Variants in NETO1 observed in about 807,000 individuals in gnomAD.
NETO1 encodes neuropilin and tolloid-like protein 1.
A neutral mutation model predicts 61.3 loss-of-function variants in NETO1; 26 were observed. The observed-to-expected ratio is 0.42, with a 90% confidence interval of 0.31 to 0.59. NETO1 has a LOEUF of 0.59. NETO1 is among the 20% of genes least tolerant of loss of function. NETO1 has a pLI of 0.12. For synonymous variants in NETO1, 225 were observed against 225.8 expected (o/e 1.00, Z 0.03); for missense variants, 531 against 662.8 (o/e 0.80, Z 2.18).
chr18:72,752,663 A>G (rs1011742540), intron 8 of NETO1, among the ~76,000 whole-genome samples: 3 of 152,184 alleles, frequency 2.0e-5, no homozygotes, highest in Non-Finnish European at 4.4e-5. Flanking sequence ...CAGGCAATGA[A>G]AAGACCCTTT....
chr18:72,770,430 G>A (rs1192147258), intron 7 of NETO1, among the ~76,000 whole-genome samples: 1 of 151,942 alleles, frequency 6.6e-6, no homozygotes, highest in African/African-American at 2.4e-5. Context: ...TATCAATAGT[G>A]TGCTTTATGT....
intron 7 of NETO1, among the ~76,000 whole-genome samples, chr18:72,779,888 G>T (rs931465008): frequency 1.1e-4 from 16 of 152,194 alleles, no homozygotes; most frequent in Non-Finnish European, 1.6e-4. Flanking sequence ...GGTGCTGGCA[G>T]ATTTGGTGTC....
chr18:72,798,891 G>A (rs1244846485), intron 4 of NETO1, among the ~76,000 whole-genome samples: 3 of 152,162 alleles, frequency 2.0e-5, no homozygotes, highest in Admixed American at 6.6e-5. Context: ...ACAATGTGTG[G>A]TGACCAGTTA....
At position 72,798,569 on chromosome 18, in the gene NETO1, C is replaced by T. The variant is rs141317886; in HGVS notation, c.470-4165G>A. Reference sequence around the variant, plus strand: ...TGGTGGCAGGCTTTAAGTCAAAATCCGCCACTTATTTTAGTCCGCATGTGA... The same window carrying T: ...TGGTGGCAGGCTTTAAGTCAAAATCTGCCACTTATTTTAGTCCGCATGTGA... On this transcript the variant is annotated intron_variant, in intron 4 of 10. Coordinates refer to ENST00000327305, the MANE Select transcript of NETO1 (RefSeq NM_138966.5). Among the ~76,000 whole-genome samples the T allele has an allele frequency of 2.1e-4, 32 of 152,180 alleles. No individual in the cohort carries two copies. In the East Asian group the frequency reaches 3.7e-3, roughly 17 times the overall value.
In NETO1 at chr18:72,789,590, T is replaced by C. The variant is rs9965659; in HGVS notation, c.639+4527A>G. ...AACAAATCACCACAATTTTAGCAGC[T>C]TTAAATAACACCCATGTACTATCTA... On this transcript the variant is annotated intron_variant, in intron 6 of 10. Transcript: ENST00000327305. Among the ~76,000 whole-genome samples, 1,323 of 152,278 alleles carry C rather than the reference T, an allele frequency of 8.7e-3. 21 individuals are homozygous for C. The highest frequency in any genetic ancestry group is 0.03 in the African/African-American group (1,242 of 41,556).
At chr18:72,782,249 T>C (rs943403722) in intron 7 of NETO1, among the ~76,000 whole-genome samples, 16 of 152,312 alleles carry the variant, frequency 1.1e-4, no homozygotes, top group Non-Finnish European at 2.9e-5. Context: ...CAGTCTAACA[T>C]GGAAAGGCAT....
At chr18:72,847,403 G>A (rs773030880) in intron 4 of NETO1, among the ~76,000 whole-genome samples, 13 of 152,210 alleles carry the variant, frequency 8.5e-5, no homozygotes, top group Non-Finnish European at 1.5e-4. Context: ...TGGGAAGCGA[G>A]CCAGCTGAGC....
At chr18:72,820,885 G>A (rs6566657) in intron 4 of NETO1, among the ~76,000 whole-genome samples, 67,293 of 151,906 alleles carry the variant, frequency 0.44, 15,968 homozygotes, top group African/African-American at 0.6. Context: ...CAGCTTGTCA[G>A]CTGCAACTCT....
intron 4 of NETO1, 72 bp downstream of exon 4, chr18:72,858,754 C>CATAGT (rs2074479892): frequency 7.2e-7 from 1 of 1,394,296 alleles, no homozygotes; most frequent in Admixed American, 2.3e-5. Flanking sequence ...TGTTGTCTTA[C>CATAGT]ACAAGATTTT....
At chr18:72,769,898 C>T (rs2071297379) in intron 7 of NETO1, among the ~76,000 whole-genome samples, 1 of 152,078 alleles carries the variant, frequency 6.6e-6, no homozygotes, top group Non-Finnish European at 1.5e-5. Context: ...AATATGGACT[C>T]ATCAGCAGTA....
At chr18:72,767,067 T>C (rs1198998029) in intron 7 of NETO1, among the ~76,000 whole-genome samples, 1 of 152,196 alleles carries the variant, frequency 6.6e-6, no homozygotes, top group Non-Finnish European at 1.5e-5. Flanking sequence ...GTGGCTAGTT[T>C]AGACACATTA....
At chr18:72,773,125 C>A (rs966581645) in intron 7 of NETO1, among the ~76,000 whole-genome samples, 1 of 151,816 alleles carries the variant, frequency 6.6e-6, no homozygotes, top group Admixed American at 6.6e-5. Flanking sequence ...GGGATTCCCC[C>A]CTCTCCCAGT....
At chr18:72,818,961 G>A (rs923250934) in intron 4 of NETO1, among the ~76,000 whole-genome samples, 7 of 152,092 alleles carry the variant, frequency 4.6e-5, no homozygotes, top group African/African-American at 7.2e-5. Context: ...AAACACACAC[G>A]TTTAAAATGA....
At chr18:72,767,551 A>C (rs2145160815) in intron 7 of NETO1, among the ~76,000 whole-genome samples, 1 of 152,330 alleles carries the variant, frequency 6.6e-6, no homozygotes, top group South Asian at 2.1e-4. Context: ...ATTAACTTTA[A>C]ATTTTAAGTA....
intron 4 of NETO1, among the ~76,000 whole-genome samples, chr18:72,811,278 T>C (rs1189092847): frequency 1.3e-5 from 2 of 152,172 alleles, no homozygotes; most frequent in African/African-American, 4.8e-5. Flanking sequence ...ATGACTCATC[T>C]CTGCACTCTC....
intron 7 of NETO1, among the ~76,000 whole-genome samples, chr18:72,770,512 A>G (rs1465532601): frequency 6.6e-6 from 1 of 152,124 alleles, no homozygotes; most frequent in Non-Finnish European, 1.5e-5. Context: ...TGTATTGTTT[A>G]TATTTAAATC....
intron 7 of NETO1, among the ~76,000 whole-genome samples, chr18:72,761,681 A>G (rs1479627303): frequency 6.6e-6 from 1 of 152,198 alleles, no homozygotes; most frequent in Non-Finnish European, 1.5e-5. Context: ...CAGGGACAGT[A>G]TCAGCTTATA....
chr18:72,758,525 A>G (rs2070863352), intron 7 of NETO1, among the ~76,000 whole-genome samples: 1 of 151,932 alleles, frequency 6.6e-6, no homozygotes, highest in African/African-American at 2.4e-5. Flanking sequence ...CAAGTAAGCA[A>G]ATCCTGATAT....
chr18:72,773,038 T>C (rs1388151279), intron 7 of NETO1, among the ~76,000 whole-genome samples: 2 of 151,676 alleles, frequency 1.3e-5, no homozygotes, highest in Non-Finnish European at 2.9e-5. Flanking sequence ...ATTTAGCCTA[T>C]ATTAGTAACT....
Sources: gnomAD v4.1 joint callset for allele counts (sites outside exome capture counted in the v4.1 genomes callset) on GRCh38, gnomAD v4.1.1 for gene constraint, MANE v1.5 for transcripts, NCBI Gene and HGNC (gene_info 2026-07-23, HGNC 2026-07-21) for gene names.